RNGTT: variants seen among roughly 807,000 people sequenced by gnomAD.
RNGTT encodes the protein RNA guanylyltransferase and 5'-phosphatase.
RNGTT carries 33 observed loss-of-function variants against 79.3 expected under a neutral mutation model. The ratio of observed to expected loss-of-function variants is 0.42; its 90% CI spans 0.32 to 0.56. The LOEUF is 0.56. Among genes scored for constraint, RNGTT ranks in the 20% least tolerant of loss-of-function variants. The pLI is 0.17. For missense variants in RNGTT, 497 were observed against 739.1 expected (o/e 0.67, Z 3.80); for synonymous variants, 222 against 235.9 (o/e 0.94, Z 0.54).
intron 12 of RNGTT, among the ~76,000 whole-genome samples, chr6:88,789,089 T>TA (rs1378641173): frequency 1.3e-5 from 2 of 152,212 alleles, no homozygotes; most frequent in Non-Finnish European, 2.9e-5. Context: ...TAGTATTTTT[T>TA]ATCACTATTC....
chr6:88,803,666 CAA>C (rs34399112), intron 11 of RNGTT, among the ~76,000 whole-genome samples: 455 of 127,256 alleles, frequency 3.6e-3, no homozygotes, highest in African/African-American at 0.011. Context: ...TCTCTTTTTT[CAA>C]AAAAAAAAAA....
intron 13 of RNGTT, among the ~76,000 whole-genome samples, chr6:88,741,597 T>C (rs1344675684): frequency 6.6e-6 from 1 of 152,148 alleles, no homozygotes; most frequent in Non-Finnish European, 1.5e-5. Flanking sequence ...AAGTTAAAAT[T>C]ATTTTCAAAA....
At chr6:88,613,792 C>T (rs116519434) in intron 15 of RNGTT, among the ~76,000 whole-genome samples, 82 of 152,260 alleles carry the variant, frequency 5.4e-4, no homozygotes, top group Middle Eastern at 3.4e-3. Context: ...TCATATTGTA[C>T]CCAAAGAACA....
intron 13 of RNGTT, among the ~76,000 whole-genome samples, chr6:88,701,334 A>T (rs2127801962): frequency 6.6e-6 from 1 of 152,192 alleles, no homozygotes; most frequent in South Asian, 2.1e-4. Flanking sequence ...CATTTTCACA[A>T]AGCCAACTTC....
At chr6:88,764,411 C>A (rs1025408644) in intron 13 of RNGTT, among the ~76,000 whole-genome samples, 1 of 152,140 alleles carries the variant, frequency 6.6e-6, no homozygotes, top group Non-Finnish European at 1.5e-5. Context: ...TCTTGTATCT[C>A]AACAGACTAG....
intron 8 of RNGTT, among the ~76,000 whole-genome samples, chr6:88,887,983 G>A (rs1408878616): frequency 6.6e-6 from 1 of 152,084 alleles, no homozygotes; most frequent in African/African-American, 2.4e-5. Flanking sequence ...TGGCCATAGT[G>A]GTGCATGTCT....
chr6:88,844,607 T>C (rs1416231787), intron 10 of RNGTT, 86 bp from the exon 11 acceptor site: 34 of 1,264,062 alleles, frequency 2.7e-5, no homozygotes, highest in Non-Finnish European at 3.6e-5. Flanking sequence ...ATGTACATAA[T>C]AGTCTGTGTA....
intron 12 of RNGTT, among the ~76,000 whole-genome samples, chr6:88,773,325 TG>T (rs1451108033): frequency 1.5e-4 from 11 of 72,842 alleles, no homozygotes; most frequent in African/African-American, 6.0e-4. Flanking sequence ...TGTTGTGGGG[TG>T]GGGGGAGGGG....
At chr6:88,624,019 G>C (rs967972064) in intron 14 of RNGTT, among the ~76,000 whole-genome samples, 1 of 151,798 alleles carries the variant, frequency 6.6e-6, no homozygotes. Context: ...CATGAAATAG[G>C]TATAAATCTA....
chr6:88,929,107 A>G, intron 3 of RNGTT, 34 bp from the exon 4 acceptor site: 2 of 1,589,110 alleles, frequency 1.3e-6, no homozygotes, highest in East Asian at 2.2e-5. Flanking sequence ...TTGAAAAAAG[A>G]GATTACAAAT....
At chr6:88,875,699 C>T (rs1037725489) in intron 8 of RNGTT, among the ~76,000 whole-genome samples, 3 of 152,098 alleles carry the variant, frequency 2.0e-5, no homozygotes, top group African/African-American at 4.8e-5. Flanking sequence ...GTACTCAGAA[C>T]AATGCCTAAT....
intron 14 of RNGTT, among the ~76,000 whole-genome samples, chr6:88,673,314 A>G (rs1426838714): frequency 2.0e-5 from 3 of 152,256 alleles, no homozygotes; most frequent in Non-Finnish European, 4.4e-5. Flanking sequence ...ACAACATATT[A>G]TCATCACATT....
chr6:88,930,194 A>G (rs1784474295), intron 2 of RNGTT, among the ~76,000 whole-genome samples: 1 of 148,294 alleles, frequency 6.7e-6, no homozygotes, highest in African/African-American at 2.5e-5. Context: ...ACATATATAC[A>G]TAAACATATA....
In RNGTT at chr6:88,637,802, G is replaced by T. The variant is rs78525955; in HGVS notation, c.1507-23407C>A. ...AGGGGAGAGGGATGATTGTGGTAAA[G>T]AAATACTATTTTTAAAAATGACTTT... On this transcript the variant is annotated intron_variant, in intron 14 of 15. Coordinates refer to ENST00000369485, the MANE Select transcript of RNGTT (RefSeq NM_003800.5). Among the ~76,000 whole-genome samples the T allele has an allele frequency of 4.5e-3, 678 of 152,226 alleles. 2 individuals are homozygous for T. Among genetic ancestry groups the T allele is most frequent in the African/African-American group, 0.015 (644 of 41,566 alleles).
intron 4 of RNGTT, among the ~76,000 whole-genome samples, chr6:88,918,175 T>C (rs1185608491): frequency 6.6e-6 from 1 of 151,872 alleles, no homozygotes; most frequent in Non-Finnish European, 1.5e-5. Flanking sequence ...ATTTAAAAAA[T>C]AGCCAGGCAT....
At chr6:88,905,047 A>G (rs534899598) in intron 5 of RNGTT, 92 bp from the exon 6 acceptor site, 1 of 1,479,174 alleles carries the variant, frequency 6.8e-7, no homozygotes, top group East Asian at 2.3e-5. Context: ...GGCTCCATAT[A>G]AAGTACAACA....
At chr6:88,653,293 G>C (rs899594235) in intron 14 of RNGTT, among the ~76,000 whole-genome samples, 1 of 152,064 alleles carries the variant, frequency 6.6e-6, no homozygotes, top group Non-Finnish European at 1.5e-5. Context: ...TTTATTCTTT[G>C]TTCAAGCCAT....
At chr6:88,694,187 G>A (rs1260356335) in intron 13 of RNGTT, among the ~76,000 whole-genome samples, 3 of 152,040 alleles carry the variant, frequency 2.0e-5, no homozygotes, top group East Asian at 3.8e-4. Flanking sequence ...CTTATATGGA[G>A]AGAGCTATAA....
intron 2 of RNGTT, among the ~76,000 whole-genome samples, chr6:88,939,930 T>A (rs1292827165): frequency 2.0e-5 from 3 of 151,188 alleles, no homozygotes; most frequent in Admixed American, 1.3e-4. Context: ...TTTTTTTTTT[T>A]AATTTTTTGT....
Sources: gnomAD v4.1 joint callset for allele counts (sites outside exome capture counted in the v4.1 genomes callset) on GRCh38, gnomAD v4.1.1 for gene constraint, MANE v1.5 for transcripts, NCBI Gene and HGNC (gene_info 2026-07-23, HGNC 2026-07-21) for gene names.